Variants in LUZP2 observed in about 807,000 individuals in gnomAD.
The protein encoded by LUZP2 is leucine zipper protein 2.
A neutral mutation model predicts 51.6 loss-of-function variants in LUZP2; 52 were observed. That is an observed-to-expected ratio of 1.01 (90% CI 0.81 to 1.27). The LOEUF is 1.27. Among genes scored for constraint, LUZP2 ranks in the 50% most tolerant of loss-of-function variants. The probability of loss-of-function intolerance (pLI) is 0.00; values close to 1 mark genes in which losing one functional copy is unlikely to be tolerated. For missense variants in LUZP2, 436 were observed against 395.4 expected (o/e 1.10, Z -0.87); for synonymous variants, 154 against 137.3 (o/e 1.12, Z -0.85).
chr11:25,032,006 G>A (rs990982464), intron 9 of LUZP2, among the ~76,000 whole-genome samples: 1 of 151,998 alleles, frequency 6.6e-6, no homozygotes, highest in African/African-American at 2.4e-5. Context: ...CCTAAAAATT[G>A]GACAGGGAGG....
intron 10 of LUZP2, 95 bp downstream of exon 10, chr11:25,050,225 T>C (rs563091100): frequency 5.7e-4 from 291 of 506,468 alleles, no homozygotes; most frequent in Non-Finnish European, 8.8e-4. Flanking sequence ...TGAAACTATT[T>C]ATATGTAATA....
intron 7 of LUZP2, among the ~76,000 whole-genome samples, chr11:24,930,661 T>C (rs1170783478): frequency 6.6e-6 from 1 of 152,260 alleles, no homozygotes; most frequent in East Asian, 1.9e-4. Flanking sequence ...TGAAATACTT[T>C]CCTTCATCTC....
Position 24,713,275 on chromosome 11 carries a change from C to T in LUZP2, c.63-15894C>T, listed in dbSNP as rs983290340. On this transcript the variant is annotated intron_variant, in intron 1 of 11. Coordinates refer to ENST00000336930, the MANE Select transcript of LUZP2 (RefSeq NM_001009909.4). ...TATAGTTTTATGATTTTCTTGTGGG[C>T]AGGTATTGAAAATGTTTCCCAGGAA... Among the ~76,000 whole-genome samples, 2 of 152,128 alleles carry T rather than the reference C, an allele frequency of 1.3e-5. 1 individual carries two copies.
At chr11:24,781,912 A>T (rs11028172) in intron 5 of LUZP2, among the ~76,000 whole-genome samples, 19,683 of 151,986 alleles carry the variant, frequency 0.13, 1,488 homozygotes, top group East Asian at 0.4. Context: ...CTGATGAAGG[A>T]TGGGGCCTGA....
chr11:24,842,808 T>C (rs139795965), intron 5 of LUZP2, among the ~76,000 whole-genome samples: 436 of 151,898 alleles, frequency 2.9e-3, no homozygotes, highest in Non-Finnish European at 4.8e-3. Flanking sequence ...GAAAAGTAAA[T>C]TTACATTGTT....
chr11:24,800,424 G>A (rs1849663844), intron 5 of LUZP2, among the ~76,000 whole-genome samples: 1 of 151,762 alleles, frequency 6.6e-6, no homozygotes, highest in Admixed American at 6.6e-5. Flanking sequence ...AAACAGATTA[G>A]ATGCAGGACA....
At chr11:24,609,804 T>C (rs916794377) in intron 1 of LUZP2, among the ~76,000 whole-genome samples, 1 of 139,546 alleles carries the variant, frequency 7.2e-6, no homozygotes, top group Non-Finnish European at 1.5e-5. Flanking sequence ...GCAAACCAGC[T>C]AGAAATTCAT....
In LUZP2 at chr11:24,611,724, CTCTT is replaced by C. The variant is rs1385929488; in HGVS notation, c.62+114422_62+114425del. 6.6e-6 allele frequency among the ~76,000 whole-genome samples: 1 copy of C among 152,160 alleles called. No homozygotes were observed. The highest frequency in any genetic ancestry group is 1.5e-5 in the Non-Finnish European group (1 of 68,016). On this transcript the variant is annotated intron_variant, in intron 1 of 11. Transcript: ENST00000336930. This position sits in a 1 kb window ranked among gnomAD's most constrained non-coding sequence, Gnocchi z 4.6. ...CATATTATTAAGTGCCAGATATTAACTCTTTCACTCCTCACACCAAGCCAAGATA... is the reference window on the plus strand; with the variant it reads ...CATATTATTAAGTGCCAGATATTAACTCACTCCTCACACCAAGCCAAGATA...
chr11:24,585,309 T>A (rs1360139136), intron 1 of LUZP2, among the ~76,000 whole-genome samples: 1 of 152,162 alleles, frequency 6.6e-6, no homozygotes, highest in Non-Finnish European at 1.5e-5. Flanking sequence ...CAAGCATACA[T>A]CCTATGAAAC....
intron 5 of LUZP2, among the ~76,000 whole-genome samples, chr11:24,855,161 G>A (rs1278178943): frequency 6.6e-6 from 1 of 152,110 alleles, no homozygotes; most frequent in South Asian, 2.1e-4. Flanking sequence ...AAATATAAAG[G>A]ATCTAAATTA....
chr11:25,038,974 G>T (rs947413524), intron 9 of LUZP2, among the ~76,000 whole-genome samples: 2 of 152,240 alleles, frequency 1.3e-5, no homozygotes, highest in Admixed American at 6.5e-5. Flanking sequence ...AGCAATGGGT[G>T]GTTGATAAGC....
At chr11:24,968,958 AC>A (rs1156706603) in intron 7 of LUZP2, among the ~76,000 whole-genome samples, 1 of 152,210 alleles carries the variant, frequency 6.6e-6, no homozygotes, top group Non-Finnish European at 1.5e-5. Flanking sequence ...AATATTGATT[AC>A]CCTGTCATCT....
intron 5 of LUZP2, among the ~76,000 whole-genome samples, chr11:24,776,668 A>T (rs1334852855): frequency 2.6e-5 from 4 of 152,174 alleles, no homozygotes; most frequent in Non-Finnish European, 5.9e-5. Flanking sequence ...CCTTGGCTAT[A>T]ATTCTACCAT....
At chr11:24,962,535 C>A (rs1458916670) in intron 7 of LUZP2, among the ~76,000 whole-genome samples, 1 of 152,122 alleles carries the variant, frequency 6.6e-6, no homozygotes, top group Non-Finnish European at 1.5e-5. Flanking sequence ...TCACTGATAC[C>A]CTTTCTTCCA....
intron 9 of LUZP2, among the ~76,000 whole-genome samples, chr11:25,041,487 C>T (rs1858057931): frequency 6.6e-6 from 1 of 152,074 alleles, no homozygotes; most frequent in Non-Finnish European, 1.5e-5. Context: ...ATTGTTACTT[C>T]ATCTTGGTCA....
chr11:24,735,464 G>A (rs1858900451), intron 3 of LUZP2, among the ~76,000 whole-genome samples: 1 of 151,838 alleles, frequency 6.6e-6, no homozygotes, highest in Admixed American at 6.6e-5. Context: ...TAAGGTGGTT[G>A]GTTGGTAGAT....
intron 5 of LUZP2, among the ~76,000 whole-genome samples, chr11:24,820,659 A>C (rs61875870): frequency 0.13 from 19,550 of 152,140 alleles, 1,379 homozygotes; most frequent in South Asian, 0.19. Context: ...GATTACTTTA[A>C]TGACTCACTG....
chr11:24,637,966 C>A (rs1213782303), intron 1 of LUZP2, among the ~76,000 whole-genome samples: 1 of 151,778 alleles, frequency 6.6e-6, no homozygotes, highest in African/African-American at 2.4e-5. Context: ...CTCAGGGTCA[C>A]CATCATGGTC....
intron 7 of LUZP2, among the ~76,000 whole-genome samples, chr11:24,953,322 A>C (rs1855128438): frequency 1.3e-5 from 2 of 151,912 alleles, no homozygotes; most frequent in Admixed American, 1.3e-4. Context: ...GCCCTAGGGG[A>C]CCATGATATT....
Sources: gnomAD v4.1 joint callset for allele counts (sites outside exome capture counted in the v4.1 genomes callset) on GRCh38, gnomAD v4.1.1 for gene constraint, Gnocchi (gnomAD v3.1) non-coding constraint, MANE v1.5 for transcripts, NCBI Gene and HGNC (gene_info 2026-07-23, HGNC 2026-07-21) for gene names.